Variants in CSMD1 observed in about 807,000 individuals in gnomAD.
The protein encoded by CSMD1 is CUB and sushi domain-containing protein 1.
CSMD1 carries 213 observed loss-of-function variants against 417.5 expected under a neutral mutation model. The ratio of observed to expected loss-of-function variants is 0.51; its 90% CI spans 0.46 to 0.57. The LOEUF (loss-of-function observed/expected upper bound fraction) is 0.57. Ranked by LOEUF, CSMD1 falls within the 20% of genes least tolerant of loss-of-function variation. CSMD1 has a pLI of 0.00. For synonymous variants in CSMD1, 2,862 were observed against 1,736.8 expected (o/e 1.65, Z -16.11); for missense variants, 6,923 against 4,529.7 (o/e 1.53, Z -15.17).
intron 23 of CSMD1, among the ~76,000 whole-genome samples, chr8:3,338,724 T>C (rs1382468055): frequency 1.3e-5 from 2 of 152,190 alleles, no homozygotes; most frequent in Non-Finnish European, 2.9e-5. Flanking sequence ...GCTTTATTTT[T>C]TTCTTTTTAA....
intron 50 of CSMD1, among the ~76,000 whole-genome samples, chr8:3,051,772 TTAA>T (rs1235630608): frequency 6.6e-6 from 1 of 152,216 alleles, no homozygotes; most frequent in African/African-American, 2.4e-5. Context: ...GAGTCTAGTT[TTAA>T]TATACCTGCA....
intron 12 of CSMD1, among the ~76,000 whole-genome samples, chr8:3,438,565 C>G (rs1814726397): frequency 6.6e-6 from 1 of 152,292 alleles, no homozygotes; most frequent in Middle Eastern, 3.4e-3. Context: ...CAAGTTGGTG[C>G]TTGTATCAAT....
chr8:4,654,506 T>C (rs955382072), intron 1 of CSMD1, among the ~76,000 whole-genome samples: 6 of 152,038 alleles, frequency 3.9e-5, no homozygotes, highest in Non-Finnish European at 8.8e-5. Context: ...TACCAGGCAA[T>C]GCATATACTT....
chr8:3,860,937 T>C (rs955228642), intron 5 of CSMD1, among the ~76,000 whole-genome samples: 6 of 152,212 alleles, frequency 3.9e-5, no homozygotes, highest in Admixed American at 1.3e-4. Context: ...TTAAAATATA[T>C]TTTCTAGTTG....
intron 3 of CSMD1, among the ~76,000 whole-genome samples, chr8:4,239,281 T>A (rs1318288835): frequency 1.3e-5 from 2 of 152,220 alleles, no homozygotes; most frequent in Non-Finnish European, 2.9e-5. Flanking sequence ...CTCTGTTGCA[T>A]CAACTTCTTC....
At chr8:4,493,959 G>C (rs576306699) in intron 2 of CSMD1, among the ~76,000 whole-genome samples, 1 of 152,058 alleles carries the variant, frequency 6.6e-6, no homozygotes, top group Non-Finnish European at 1.5e-5. Flanking sequence ...AGGTCAACTT[G>C]GTTCTACTGA....
At chr8:3,062,572 C>A (rs567865250) in intron 49 of CSMD1, among the ~76,000 whole-genome samples, 9 of 150,752 alleles carry the variant, frequency 6.0e-5, no homozygotes, top group Non-Finnish European at 1.3e-4. Context: ...AAAAAAAAGC[C>A]CAGCAGCTAT....
At chr8:4,562,772 A>G (rs1395330115) in intron 2 of CSMD1, among the ~76,000 whole-genome samples, 1 of 152,258 alleles carries the variant, frequency 6.6e-6, no homozygotes, top group African/African-American at 2.4e-5. Context: ...AGTCAAGAAT[A>G]TATATCCTAA....
intron 3 of CSMD1, among the ~76,000 whole-genome samples, chr8:4,087,115 A>C (rs1800461636): frequency 1.3e-5 from 2 of 152,214 alleles, no homozygotes; most frequent in African/African-American, 2.4e-5. Flanking sequence ...ACTGGCATTC[A>C]ATCTCTGGGT....
chr8:3,620,890 A>AC (rs1802391295), intron 7 of CSMD1, among the ~76,000 whole-genome samples: 1 of 152,122 alleles, frequency 6.6e-6, no homozygotes, highest in Non-Finnish European at 1.5e-5. Context: ...CTCCCCGCAA[A>AC]GGGTTACACC....
At chr8:4,233,707 G>C (rs914688081) in intron 3 of CSMD1, among the ~76,000 whole-genome samples, 3 of 152,202 alleles carry the variant, frequency 2.0e-5, no homozygotes, top group African/African-American at 7.2e-5. Context: ...TGGTACAGCA[G>C]CCCCAACAGA....
At chr8:3,899,924 A>G (rs555066618) in intron 5 of CSMD1, among the ~76,000 whole-genome samples, 1 of 152,342 alleles carries the variant, frequency 6.6e-6, no homozygotes, top group South Asian at 2.1e-4. Flanking sequence ...TAATGTGTAA[A>G]ATATTTATAA....
chr8:4,482,943 G>T (rs911220532), intron 2 of CSMD1, among the ~76,000 whole-genome samples: 1 of 152,062 alleles, frequency 6.6e-6, no homozygotes, highest in Admixed American at 6.6e-5. Flanking sequence ...GGGAGGCGTA[G>T]GTATAAAACA....
At chr8:4,370,547 GCT>G (rs1423277653) in intron 3 of CSMD1, among the ~76,000 whole-genome samples, 1 of 152,144 alleles carries the variant, frequency 6.6e-6, no homozygotes, top group Non-Finnish European at 1.5e-5. Context: ...CAAGTTTCTT[GCT>G]CTCTTTCTCT....
chr8:3,682,683 C>G (rs1307372788), intron 7 of CSMD1, among the ~76,000 whole-genome samples: 1 of 152,164 alleles, frequency 6.6e-6, no homozygotes, highest in African/African-American at 2.4e-5. Flanking sequence ...CCAGCCATCC[C>G]ATTACTGGGT....
chr8:4,435,130 T>C (rs997773037), intron 2 of CSMD1, among the ~76,000 whole-genome samples: 1 of 152,166 alleles, frequency 6.6e-6, no homozygotes, highest in Non-Finnish European at 1.5e-5. Flanking sequence ...AACTGTATTT[T>C]AAAGTATCAG....
At chr8:4,296,391 A>G (rs1009277579) in intron 3 of CSMD1, among the ~76,000 whole-genome samples, 3 of 152,218 alleles carry the variant, frequency 2.0e-5, no homozygotes, top group Non-Finnish European at 2.9e-5. Flanking sequence ...TCTAAACATA[A>G]TAATGATTTA....
intron 18 of CSMD1, among the ~76,000 whole-genome samples, chr8:3,374,358 G>A (rs149112212): frequency 5.9e-5 from 9 of 152,214 alleles, no homozygotes; most frequent in African/African-American, 2.2e-4. Context: ...ACATACTAAT[G>A]TTTTCCAAAC....
intron 3 of CSMD1, among the ~76,000 whole-genome samples, chr8:4,163,781 T>G (rs1584939230): frequency 6.6e-6 from 1 of 152,310 alleles, no homozygotes; most frequent in East Asian, 1.9e-4. Flanking sequence ...ATGTAATGAC[T>G]TATTCAACAG....
Sources: allele counts gnomAD v4.1 joint callset (sites outside exome capture counted in the v4.1 genomes callset), GRCh38; gene constraint gnomAD v4.1.1; transcripts MANE v1.5; gene names NCBI Gene and HGNC (gene_info 2026-07-23, HGNC 2026-07-21).